Variants in RGS6 observed in about 807,000 individuals in gnomAD.
RGS6 encodes regulator of G protein signaling 6.
In RGS6, 30 loss-of-function variants were observed where a neutral mutation model predicts 78.5. The ratio of observed to expected loss-of-function variants is 0.38; its 90% CI spans 0.29 to 0.52. The LOEUF (loss-of-function observed/expected upper bound fraction) is 0.52. Among genes scored for constraint, RGS6 ranks in the 20% least tolerant of loss-of-function variants. The pLI is 0.85. For synonymous variants in RGS6, 206 were observed against 206.0 expected (o/e 1.00, Z 0.00); for missense variants, 495 against 609.7 (o/e 0.81, Z 1.98).
chr14:72,377,301 C>T (rs1478333139), intron 3 of RGS6, among the ~76,000 whole-genome samples: 1 of 152,014 alleles, frequency 6.6e-6, no homozygotes, highest in Non-Finnish European at 1.5e-5. Flanking sequence ...CAAAAAGAGA[C>T]AAGGGCATTA....
chr14:71,991,578 G>A (rs887124442), intron 2 of RGS6, among the ~76,000 whole-genome samples: 7 of 151,826 alleles, frequency 4.6e-5, no homozygotes, highest in South Asian at 2.1e-4. Flanking sequence ...GAAAAATTCC[G>A]AAATTATAGA....
rs1204739360 is a variant in RGS6, at chr14:72,566,519, C to T, written c.*4052C>T. On this transcript the variant is annotated 3_prime_UTR_variant, in exon 18 of 18. Coordinates refer to ENST00000553525, the MANE Select transcript of RGS6 (RefSeq NM_001204424.2). The stretch of plus-strand genomic sequence containing the variant: ...AGTCTAAAAATAAATGACTTGAACC[C>T]ACTTCAATCCAGCTAACTCTGTGTG... 1 of 152,068 alleles carries T rather than the reference C, an allele frequency of 6.6e-6. No individual in the cohort carries two copies. Among genetic ancestry groups the T allele is most frequent in the Admixed American group, 6.6e-5 (1 of 15,266 alleles). The allele number at this position is 152,068 out of a possible 1,614,324, so 9.4% of individuals were successfully genotyped here.
rs373961573 is a variant in RGS6, at chr14:72,257,669, C to G, written c.85-94426C>G. Among the ~76,000 whole-genome samples the G allele has an allele frequency of 3.1e-3, 468 of 152,134 alleles. 1 individual carries two copies. Among genetic ancestry groups the G allele is most frequent in the African/African-American group, 0.011 (452 of 41,498 alleles). Reference sequence around the variant, plus strand: ...TATAAAATAACAAAGAAAAAAATAACAAAAAGTAGGCTCGTTAGTAAGACA... The same window carrying G: ...TATAAAATAACAAAGAAAAAAATAAGAAAAAGTAGGCTCGTTAGTAAGACA... On this transcript the variant is annotated intron_variant, in intron 2 of 17. Transcript: ENST00000553525.
At chr14:72,263,703 C>T (rs1232516016) in intron 2 of RGS6, among the ~76,000 whole-genome samples, 1 of 152,126 alleles carries the variant, frequency 6.6e-6, no homozygotes, top group Non-Finnish European at 1.5e-5. Context: ...AGACACCATC[C>T]ATCTGTGAAC....
intron 2 of RGS6, among the ~76,000 whole-genome samples, chr14:72,290,795 C>T (rs940772022): frequency 2.0e-5 from 3 of 152,222 alleles, no homozygotes; most frequent in Admixed American, 2.0e-4. Context: ...TTAAAAGCTG[C>T]TACTCTCACC....
chr14:72,072,682 A>T (rs2094449419), intron 2 of RGS6, among the ~76,000 whole-genome samples: 1 of 152,196 alleles, frequency 6.6e-6, no homozygotes, highest in African/African-American at 2.4e-5. Context: ...GCAGTGGTTT[A>T]CTTATTAGTT....
chr14:72,444,837 C>A (rs539640009), intron 3 of RGS6, among the ~76,000 whole-genome samples: 3 of 152,034 alleles, frequency 2.0e-5, no homozygotes, highest in African/African-American at 7.3e-5. Context: ...GGCCCAAAAT[C>A]GTATTTGCTG....
At chr14:71,928,708 T>C (rs1297353498), upstream of RGS6, among the ~76,000 whole-genome samples, 2 of 152,220 alleles carry the variant, frequency 1.3e-5, no homozygotes, top group African/African-American at 4.8e-5. Flanking sequence ...AATCAGGGTT[T>C]TACCTATAAA....
intron 3 of RGS6, among the ~76,000 whole-genome samples, chr14:72,437,939 T>C (rs2095014700): frequency 6.6e-6 from 1 of 152,274 alleles, no homozygotes; most frequent in East Asian, 1.9e-4. Context: ...TTGTTATTAA[T>C]CAGAAGAGAA....
intron 2 of RGS6, among the ~76,000 whole-genome samples, chr14:71,984,607 T>C (rs995273071): frequency 3.9e-5 from 6 of 152,054 alleles, no homozygotes; most frequent in African/African-American, 1.4e-4. Context: ...AGCCAAAAAC[T>C]GATTCCAGGT....
At chr14:72,441,930 C>G (rs2095217743) in intron 3 of RGS6, among the ~76,000 whole-genome samples, 1 of 152,174 alleles carries the variant, frequency 6.6e-6, no homozygotes, top group African/African-American at 2.4e-5. Flanking sequence ...TAGCAGTGCA[C>G]CAGCTACCCG....
intron 2 of RGS6, among the ~76,000 whole-genome samples, chr14:72,338,483 C>T (rs112315636): frequency 7.2e-5 from 11 of 152,144 alleles, no homozygotes; most frequent in African/African-American, 2.7e-4. Flanking sequence ...CTAGGTCCTC[C>T]CGTAACATGT....
chr14:72,355,917 A>G (rs2080168360), intron 3 of RGS6, among the ~76,000 whole-genome samples: 1 of 152,150 alleles, frequency 6.6e-6, no homozygotes, highest in African/African-American at 2.4e-5. Context: ...GGGCAGCTAT[A>G]ATAGAGTCAA....
intron 2 of RGS6, among the ~76,000 whole-genome samples, chr14:72,191,467 G>GGTTT (rs1333941103): frequency 6.6e-6 from 1 of 152,164 alleles, no homozygotes; most frequent in Non-Finnish European, 1.5e-5. Flanking sequence ...AAAGGAAAAA[G>GGTTT]GTTTAATGGA....
chr14:72,495,214 C>T lies in RGS6; in HGVS notation c.917C>T (p.Ser306Phe). The change falls in exon 13 of 18, where the codon TCC becomes TTC. Residue 306 changes from serine (S) to phenylalanine (F), a missense_variant. Ser to Phe is a radical substitution (Grantham distance 155, BLOSUM62 -2). Transcript: ENST00000553525. ...CCTTTGATAACACCAGCTGAGCCAT[C>T]CAACCCTTGGATCAGCGATGACGTT... ...YDPLITPAEP[S>F]NPWISDDVAL... is the part of the protein sequence containing the mutation. 1 of 1,613,692 alleles carries T rather than the reference C, an allele frequency of 6.2e-7. No homozygotes were observed. Among genetic ancestry groups the T allele is most frequent in the South Asian group, 1.1e-5 (1 of 91,066 alleles).
At chr14:72,526,614 C>T (rs978637220) in intron 15 of RGS6, among the ~76,000 whole-genome samples, 7 of 152,208 alleles carry the variant, frequency 4.6e-5, no homozygotes, top group African/African-American at 1.7e-4. Context: ...CTCTTATGAC[C>T]TGGAATGATG....
At chr14:72,567,750 C>A (rs2097715300), downstream of RGS6, among the ~76,000 whole-genome samples, 1 of 152,204 alleles carries the variant, frequency 6.6e-6, no homozygotes, top group African/African-American at 2.4e-5. Flanking sequence ...ACCTCCAAAC[C>A]CAAGTAGTTC....
chr14:72,589,376 C>A, the RGS6 span, among the ~76,000 whole-genome samples: 1 of 152,064 alleles, frequency 6.6e-6, no homozygotes, highest in Non-Finnish European at 1.5e-5. Context: ...ATGGTGAAAC[C>A]CCGTCTCTAC....
intron 3 of RGS6, among the ~76,000 whole-genome samples, chr14:72,384,904 C>T (rs138799756): frequency 1.4e-3 from 207 of 152,260 alleles, no homozygotes; most frequent in Non-Finnish European, 2.0e-3. Context: ...GCTTCCGCCA[C>T]CACACCCAGC....
Sources: allele counts gnomAD v4.1 joint callset (sites outside exome capture counted in the v4.1 genomes callset), GRCh38; gene constraint gnomAD v4.1.1; transcripts MANE v1.5; gene names NCBI Gene and HGNC (gene_info 2026-07-23, HGNC 2026-07-21).